Variants in TMEM181 observed in about 807,000 individuals in gnomAD.
The protein encoded by TMEM181 is G protein-coupled receptor 178.
In TMEM181, 39 loss-of-function variants were observed where a neutral mutation model predicts 71.9. That is an observed-to-expected ratio of 0.54 (90% CI 0.42 to 0.71). The LOEUF is 0.71. Among genes scored for constraint, TMEM181 ranks in the 30% least tolerant of loss-of-function variants. The pLI is 0.00. For synonymous variants in TMEM181, 245 were observed against 228.8 expected (o/e 1.07, Z -0.64); for missense variants, 595 against 583.0 (o/e 1.02, Z -0.21).
At chr6:158,566,122 G>A (rs1019626411) in intron 1 of TMEM181, among the ~76,000 whole-genome samples, 3 of 152,186 alleles carry the variant, frequency 2.0e-5, no homozygotes, top group Non-Finnish European at 2.9e-5. Flanking sequence ...GTACCTGGAC[G>A]GTTGGAGTTG....
chr6:158,545,950 T>A (rs542614691), intron 1 of TMEM181, among the ~76,000 whole-genome samples: 122 of 152,214 alleles, frequency 8.0e-4, no homozygotes, highest in Non-Finnish European at 1.4e-3. Flanking sequence ...ACTGTTGACT[T>A]TCAGCCTTCA....
At chr6:158,613,979 A>G (rs1297549979) in intron 10 of TMEM181, among the ~76,000 whole-genome samples, 1 of 152,238 alleles carries the variant, frequency 6.6e-6, no homozygotes, top group Non-Finnish European at 1.5e-5. Context: ...TCTGTGGTTT[A>G]CAGTAACCCA....
chr6:158,596,078 C>T (rs752907329), intron 6 of TMEM181, among the ~76,000 whole-genome samples: 2 of 152,010 alleles, frequency 1.3e-5, no homozygotes, highest in Admixed American at 6.5e-5. Flanking sequence ...CCCACCACCA[C>T]GCCTGGCTAA....
chr6:158,595,917 TTTTA>T (rs1461251614), intron 6 of TMEM181, among the ~76,000 whole-genome samples: 1 of 152,086 alleles, frequency 6.6e-6, no homozygotes, highest in East Asian at 1.9e-4. Flanking sequence ...GTCCAATTCT[TTTTA>T]TTTATTTTTA....
At chr6:158,550,587 T>C (rs12193096) in intron 1 of TMEM181, among the ~76,000 whole-genome samples, 92,766 of 151,336 alleles carry the variant, frequency 0.61, 28,789 homozygotes, top group East Asian at 0.73. Flanking sequence ...ACTTGGGAGG[T>C]GGAGGTTGCA....
chr6:158,539,548 G>T (rs748232237), intron 1 of TMEM181, among the ~76,000 whole-genome samples: 1 of 152,198 alleles, frequency 6.6e-6, no homozygotes. Context: ...CTCACCTCAC[G>T]TGGTTGGCAG....
rs1435693006 is a variant in TMEM181 at position 158,585,359 on chromosome 6, A to G, written c.315A>G (p.Gln105=). The G allele has an allele frequency of 1.2e-6, 2 of 1,612,482 alleles. No homozygotes were observed. Among genetic ancestry groups the G allele is most frequent in the Admixed American group, 3.4e-5 (2 of 59,400 alleles). The change falls in exon 5 of 17, where the codon CAA becomes CAG. Residue 105 remains glutamine, a synonymous_variant. Transcript: ENST00000684151. ...PMTVKVDGVA[Q]DGTTMYIHNK... ...CTGTTAAAGTCGATGGTGTAGCTCA[A>G]GATGGAACCACGATGTACATTCATA... is the stretch of plus-strand genomic sequence containing the variant.
intron 7 of TMEM181, among the ~76,000 whole-genome samples, chr6:158,606,451 T>C (rs1271149678): frequency 6.6e-6 from 1 of 152,118 alleles, no homozygotes; most frequent in Admixed American, 6.5e-5. Flanking sequence ...GCCCTGAGAT[T>C]CTCCTGCCAC....
At chr6:158,570,364 C>T (rs867311546) in intron 1 of TMEM181, among the ~76,000 whole-genome samples, 6 of 151,456 alleles carry the variant, frequency 4.0e-5, no homozygotes, top group African/African-American at 1.5e-4. Context: ...TCCCGAGTAG[C>T]TGGGACTACA....
intron 6 of TMEM181, among the ~76,000 whole-genome samples, chr6:158,601,640 T>G (rs1440014946): frequency 1.3e-5 from 2 of 151,688 alleles, no homozygotes; most frequent in African/African-American, 4.8e-5. Context: ...GCACCTGTAG[T>G]CCCAGCTGCT....
At chr6:158,625,640 T>C (rs1031112916) in intron 12 of TMEM181, 63 bp from the exon 13 acceptor site, 36 of 1,458,636 alleles carry the variant, frequency 2.5e-5, no homozygotes, top group Non-Finnish European at 3.4e-5. Context: ...TTTTTTATTT[T>C]TCAAAATAAA....
At chr6:158,554,375 C>T (rs1370788359) in intron 1 of TMEM181, among the ~76,000 whole-genome samples, 1 of 151,810 alleles carries the variant, frequency 6.6e-6, no homozygotes, top group South Asian at 2.1e-4. Flanking sequence ...CGTGAGCCAC[C>T]GCGCCTGGCC....
At position 158,620,037 on chromosome 6, in the gene TMEM181, A is replaced by G. The variant is rs528440414; in HGVS notation, c.897-3513A>G. Among the ~76,000 whole-genome samples the G allele has an allele frequency of 3.0e-4, 45 of 152,232 alleles. No individual in the cohort carries two copies. Among genetic ancestry groups the G allele is most frequent in the African/African-American group, 9.4e-4 (39 of 41,534 alleles). On this transcript the variant is annotated intron_variant, in intron 10 of 16. Coordinates refer to ENST00000684151, the MANE Select transcript of TMEM181 (RefSeq NM_001376852.1). This position sits in a 1 kb window ranked among gnomAD's most constrained non-coding sequence, Gnocchi z 4.5. ...AGTTAAAGGGTGCTGTTCTCAGGCA[A>G]TTGGCTGTTATTATCTTGTTTGTAT... is the stretch of plus-strand genomic sequence containing the variant.
intron 7 of TMEM181, among the ~76,000 whole-genome samples, 178 bp from the exon 8 acceptor site, chr6:158,607,066 C>T (rs368521406): frequency 6.6e-5 from 10 of 152,208 alleles, no homozygotes; most frequent in African/African-American, 2.4e-4. Flanking sequence ...TCTTGGTTGT[C>T]ACTGATGGCC....
chr6:158,586,184 C>T lies in TMEM181; in HGVS notation c.381+759C>T, dbSNP rs74454879. Among the ~76,000 whole-genome samples, 600 of 152,292 alleles carry T rather than the reference C, an allele frequency of 3.9e-3. 30 individuals are homozygous for T. In the East Asian group the frequency reaches 0.092, roughly 23 times the overall value. On this transcript the variant is annotated intron_variant, in intron 5 of 16. Coordinates refer to ENST00000684151, the MANE Select transcript of TMEM181 (RefSeq NM_001376852.1). ...GTCCACAGTGGGGAATGAGCCCTCACGCTTGATTTCATTGGCACTGTATTC... is the reference window on the plus strand; with the variant it reads ...GTCCACAGTGGGGAATGAGCCCTCATGCTTGATTTCATTGGCACTGTATTC...
intron 1 of TMEM181, among the ~76,000 whole-genome samples, chr6:158,553,333 T>G (rs1365548145): frequency 6.6e-6 from 1 of 152,232 alleles, no homozygotes; most frequent in African/African-American, 2.4e-5. Flanking sequence ...CAAAATTTAT[T>G]TATTTTTAAC....
Position 158,594,557 on chromosome 6 carries a change from G to A in TMEM181, c.492+4775G>A, listed in dbSNP as rs1232158078. Among the ~76,000 whole-genome samples, 4 of 152,178 alleles carry A rather than the reference G, an allele frequency of 2.6e-5. No homozygotes were observed. In the South Asian group the frequency reaches 8.3e-4, roughly 31 times the overall value. On this transcript the variant is annotated intron_variant, in intron 6 of 16. Coordinates refer to ENST00000684151, the MANE Select transcript of TMEM181 (RefSeq NM_001376852.1). ...TGGAATAATATTTCATTGTCTGGATGTACTGCAGCTTGTTTGTCCATTGGC... is the reference window on the plus strand; with the variant it reads ...TGGAATAATATTTCATTGTCTGGATATACTGCAGCTTGTTTGTCCATTGGC...
At position 158,622,409 on chromosome 6, in the gene TMEM181, G is replaced by A. The variant is rs371097354; in HGVS notation, c.897-1141G>A. 4.3e-4 allele frequency among the ~76,000 whole-genome samples: 65 copies of A among 152,190 alleles called. 1 individual carries two copies. Among genetic ancestry groups the A allele is most frequent in the African/African-American group, 1.5e-3 (62 of 41,530 alleles). On this transcript the variant is annotated intron_variant, in intron 10 of 16. Transcript: ENST00000684151. ...GCTCCTGAGCTTCCTGTGATATGTC[G>A]GGAGGGTCACGCAGCCATGACAGTG... is the stretch of plus-strand genomic sequence containing the variant.
chr6:158,586,185 G>C (rs997775929), intron 5 of TMEM181, among the ~76,000 whole-genome samples: 1 of 152,152 alleles, frequency 6.6e-6, no homozygotes, highest in Non-Finnish European at 1.5e-5. Context: ...GAGCCCTCAC[G>C]CTTGATTTCA....
Sources: gnomAD v4.1 joint callset for allele counts (sites outside exome capture counted in the v4.1 genomes callset) on GRCh38, gnomAD v4.1.1 for gene constraint, Gnocchi (gnomAD v3.1) non-coding constraint, MANE v1.5 for transcripts, NCBI Gene and HGNC (gene_info 2026-07-23, HGNC 2026-07-21) for gene names.